Variants in ANO6 observed in about 807,000 individuals in gnomAD.
ANO6 encodes the protein anoctamin-6.
Under a neutral mutation model 117.5 loss-of-function variants are expected in ANO6, and 106 were observed. The ratio of observed to expected loss-of-function variants is 0.90; its 90% CI spans 0.77 to 1.06. The LOEUF (loss-of-function observed/expected upper bound fraction) is 1.06. Ranked by LOEUF, ANO6 falls within the 50% of genes least tolerant of loss-of-function variation. The pLI is 0.00. For missense variants in ANO6, 955 were observed against 1,121.1 expected (o/e 0.85, Z 2.12); for synonymous variants, 367 against 385.1 (o/e 0.95, Z 0.55).
chr12:45,237,994 T>C (rs1342189467), intron 1 of ANO6, among the ~76,000 whole-genome samples: 1 of 152,176 alleles, frequency 6.6e-6, no homozygotes, highest in African/African-American at 2.4e-5. Flanking sequence ...CAGTTGTGAA[T>C]GGGAGTTCAC....
rs560954865 is a variant in ANO6 at position 45,391,217 on chromosome 12, T to A, written c.1386+719T>A. On this transcript the variant is annotated intron_variant, in intron 12 of 19. Coordinates refer to ENST00000320560, the MANE Select transcript of ANO6 (RefSeq NM_001025356.3). ...AAACTCTTGAAAGTTGTAAAGGATC[T>A]GAATGAATGATAATTAAATGAATGA... is the stretch of plus-strand genomic sequence containing the variant. Among the ~76,000 whole-genome samples, 8 of 152,330 alleles carry A rather than the reference T, an allele frequency of 5.3e-5. 1 individual carries two copies. In the South Asian group the frequency reaches 1.7e-3, roughly 32 times the overall value.
At chr12:45,345,634 T>C (rs1941109266) in intron 3 of ANO6, among the ~76,000 whole-genome samples, 1 of 152,220 alleles carries the variant, frequency 6.6e-6, no homozygotes, top group South Asian at 2.1e-4. Context: ...GTAGTTTAAA[T>C]CATATCTTCA....
chr12:45,403,838 A>G (rs1483935030), intron 15 of ANO6, among the ~76,000 whole-genome samples: 1 of 152,238 alleles, frequency 6.6e-6, no homozygotes, highest in Non-Finnish European at 1.5e-5. Context: ...TTTGAGCGAC[A>G]GCACTGGTTA....
At chr12:45,258,320 C>A (rs1430999085) in intron 1 of ANO6, among the ~76,000 whole-genome samples, 2 of 152,178 alleles carry the variant, frequency 1.3e-5, no homozygotes, top group Non-Finnish European at 2.9e-5. Flanking sequence ...TACTTATTAA[C>A]ATAACACATA....
chr12:45,362,332 G>A (rs1238053046), intron 8 of ANO6, among the ~76,000 whole-genome samples: 2 of 151,964 alleles, frequency 1.3e-5, no homozygotes, highest in Non-Finnish European at 2.9e-5. Context: ...AAGAGTAACA[G>A]TAATGTTTCC....
chr12:45,431,825 G>A lies in ANO6; in HGVS notation c.*2514G>A. On this transcript the variant is annotated 3_prime_UTR_variant, in exon 20 of 20. Transcript: ENST00000320560. ...GAGAATCTAGCCTTCAGCCTGTCCA[G>A]TGTTAACCACTAGAGAAACTGAGCT... 1.0e-6 allele frequency: 1 copy of A among 985,450 alleles called. No homozygotes were observed. The highest frequency in any genetic ancestry group is 1.2e-6 in the Non-Finnish European group (1 of 829,940). 61.0% of individuals were successfully genotyped at this position (985,450 alleles called of 1,614,324 possible).
chr12:45,298,054 G>A (rs548531729), intron 1 of ANO6, among the ~76,000 whole-genome samples: 1 of 152,296 alleles, frequency 6.6e-6, no homozygotes, highest in Admixed American at 6.5e-5. Context: ...ATTTTGAACT[G>A]CACTTTCATT....
intron 1 of ANO6, chr12:45,256,519 T>A (rs1937834121): frequency 6.8e-6 from 1 of 146,824 alleles, no homozygotes; most frequent in African/African-American, 2.6e-5. Context: ...AGCTTTCTAA[T>A]GTGGTAAAAA....
intron 8 of ANO6, among the ~76,000 whole-genome samples, chr12:45,358,705 T>C (rs959853815): frequency 6.6e-6 from 1 of 152,212 alleles, no homozygotes; most frequent in Non-Finnish European, 1.5e-5. Context: ...TGAGATATCT[T>C]TAAAATATCT....
chr12:45,380,542 A>G (rs1565735310), intron 10 of ANO6, among the ~76,000 whole-genome samples: 1 of 152,294 alleles, frequency 6.6e-6, no homozygotes. Flanking sequence ...AAAATAATGC[A>G]TCTCCTGCTA....
downstream of ANO6, among the ~76,000 whole-genome samples, chr12:45,435,271 C>A (rs1360741878): frequency 6.6e-6 from 1 of 152,206 alleles, no homozygotes; most frequent in Non-Finnish European, 1.5e-5. Context: ...CATATCCAGT[C>A]ATGGGCAACT....
intron 1 of ANO6, among the ~76,000 whole-genome samples, chr12:45,275,343 G>A (rs990685029): frequency 1.3e-5 from 2 of 152,116 alleles, no homozygotes; most frequent in African/African-American, 4.8e-5. Flanking sequence ...CCAAGTAGCT[G>A]GGATTACAGG....
At chr12:45,264,514 C>T (rs1346255362) in intron 1 of ANO6, among the ~76,000 whole-genome samples, 5 of 152,162 alleles carry the variant, frequency 3.3e-5, no homozygotes, top group African/African-American at 1.2e-4. Flanking sequence ...AGAAGTAATA[C>T]ACCCACCATT....
Position 45,421,277 on chromosome 12 carries a change from A to G in ANO6, c.2420+4A>G, listed in dbSNP as rs567014159. The G allele has an allele frequency of 3.7e-6, 6 of 1,613,786 alleles. No homozygotes were observed. The South Asian group carries it at 4.4e-5, about 12-fold the overall frequency. The stretch of plus-strand genomic sequence containing the variant: ...TGGGTAACCATACCACATGCAGGCA[A>G]GTTCTGCTTTACTTGTTTAAAAATG... On this transcript the variant is annotated splice_donor_region_variant and intron_variant, in intron 18 of 19. Transcript: ENST00000320560.
intron 10 of ANO6, among the ~76,000 whole-genome samples, chr12:45,384,267 G>C (rs1401692090): frequency 1.3e-5 from 2 of 152,106 alleles, no homozygotes; most frequent in Non-Finnish European, 2.9e-5. Flanking sequence ...TGGCTGGTTT[G>C]GTCTTCTATC....
At chr12:45,400,461 T>C (rs549373216) in intron 12 of ANO6, among the ~76,000 whole-genome samples, 1 of 152,296 alleles carries the variant, frequency 6.6e-6, no homozygotes, top group Admixed American at 6.5e-5. Context: ...ACAGGAGAAA[T>C]GTAATGCCTT....
chr12:45,317,133 T>TATATATATATGTATATATATATATA (rs34406866), intron 2 of ANO6, among the ~76,000 whole-genome samples: 2 of 69,540 alleles, frequency 2.9e-5, no homozygotes, highest in Non-Finnish European at 6.4e-5. Context: ...ATATATATAT[T>TATATATATATGTATATATATATATA]TATTATACTT....
At chr12:45,262,383 C>A (rs1013536085) in intron 1 of ANO6, among the ~76,000 whole-genome samples, 1 of 151,686 alleles carries the variant, frequency 6.6e-6, no homozygotes. Flanking sequence ...TAAGTATATT[C>A]AGTGTTGTGC....
chr12:45,283,832 A>T (rs1290438167), intron 1 of ANO6, among the ~76,000 whole-genome samples: 1 of 152,054 alleles, frequency 6.6e-6, no homozygotes, highest in East Asian at 1.9e-4. Context: ...CCCCACTACC[A>T]CCATCACTGT....
Sources: allele counts gnomAD v4.1 joint callset (sites outside exome capture counted in the v4.1 genomes callset), GRCh38; gene constraint gnomAD v4.1.1; transcripts MANE v1.5; gene names NCBI Gene and HGNC (gene_info 2026-07-23, HGNC 2026-07-21).